The following FOXRED1 variants were observed in gnomAD, a reference collection of about 807,000 sequenced individuals.
FOXRED1 encodes FAD-dependent oxidoreductase domain-containing protein 1.
FOXRED1 carries 52 observed loss-of-function variants against 57.8 expected under a neutral mutation model. The observed-to-expected ratio is 0.90, with a 90% CI of 0.72 to 1.13. FOXRED1 has a LOEUF of 1.13. Ranked by LOEUF, FOXRED1 falls within the 50% of genes most tolerant of loss-of-function variation. FOXRED1 has a pLI of 0.00. For missense variants in FOXRED1, 589 were observed against 625.2 expected, an observed-to-expected ratio of 0.94 and a Z score of 0.62; for synonymous variants, 271 against 248.3, an observed-to-expected ratio of 1.09 and a Z score of -0.86.
In FOXRED1 at chr11:126,277,266, C is replaced by T; in HGVS notation, c.1206+91C>T. The stretch of plus-strand genomic sequence containing the variant: ...CACATTGGTCCCCTCGGACCCGTGA[C>T]TGCCGTAGTCCCTCCATGTCACAAC... On this transcript the variant is annotated intron_variant, in intron 10 of 10. Coordinates refer to ENST00000263578, the MANE Select transcript of FOXRED1 (RefSeq NM_017547.4). This position sits in a 1 kb window ranked among gnomAD's most constrained non-coding sequence, Gnocchi z 6.8. 8.5e-7 allele frequency: 1 copy of T among 1,171,224 alleles called. No homozygotes were observed. The highest frequency in any genetic ancestry group is 1.3e-6 in the Non-Finnish European group (1 of 779,220). The allele number at this position is 1,171,224 out of a possible 1,614,324, so 72.6% of individuals were successfully genotyped here.
chr11:126,269,559 A>G, intron 1 of FOXRED1: 3 of 659,170 alleles, frequency 4.6e-6, no homozygotes, highest in Middle Eastern at 3.6e-4. Flanking sequence ...ATGTGCATTA[A>G]GTCCTGCCCG....
In FOXRED1 at chr11:126,277,782, G is replaced by A. The variant is rs114082966; in HGVS notation, c.*93G>A. The A allele has an allele frequency of 1.6e-3, 2,250 of 1,384,442 alleles. 26 individuals are homozygous for A. In the African/African-American group the frequency reaches 0.027, roughly 17 times the overall value. 85.8% of individuals were successfully genotyped at this position (1,384,442 alleles called of 1,614,324 possible). A position where few individuals can be genotyped will look rare whatever the true frequency, so the allele number is the denominator to read the frequency against. On this transcript the variant is annotated 3_prime_UTR_variant, in exon 11 of 11. Coordinates refer to ENST00000263578, the MANE Select transcript of FOXRED1 (RefSeq NM_017547.4). The surrounding 1 kb of genome is among the most constrained non-coding windows in gnomAD (Gnocchi z 6.8). ...TCCATCTTCCCCAGTACTGTGCCAG[G>A]CCTTCTCCCCCTCCCCAGTGTCCTC...
chr11:126,271,336 C>T lies in FOXRED1; in HGVS notation c.86-101C>T, dbSNP rs1950979363. 1.2e-6 allele frequency: 1 copy of T among 854,486 alleles called. No homozygotes were observed. Among genetic ancestry groups the T allele is most frequent in the Admixed American group, 1.8e-5 (1 of 56,570 alleles). The allele number at this position is 854,486 out of a possible 1,614,324, so 52.9% of individuals were successfully genotyped here. ...GGGCTGACAGTGGGGACTGCCAACT[C>T]ATGTGTCTGTTTAGCTCACCTTTTC... On this transcript the variant is annotated intron_variant, in intron 1 of 10. Transcript: ENST00000263578. The surrounding 1 kb of genome is among the most constrained non-coding windows in gnomAD (Gnocchi z 5.3).
rs746289543 is a variant in FOXRED1, at chr11:126,277,904, C to T, written c.*215C>T. The T allele has an allele frequency of 2.2e-5, 15 of 686,322 alleles. No homozygotes were observed. The South Asian group carries it at 2.3e-4, about 10-fold the overall frequency. The allele number at this position is 686,322 out of a possible 1,614,324, so 42.5% of individuals were successfully genotyped here. On this transcript the variant is annotated 3_prime_UTR_variant, in exon 11 of 11. Transcript: ENST00000263578. This position sits in a 1 kb window ranked among gnomAD's most constrained non-coding sequence, Gnocchi z 6.8. ...TGATGAGCGGGATCCTAGGACTGAT[C>T]TGTAGCCCATGCTGATGTCACCCAC...
rs1343413249 is a variant in FOXRED1 at position 126,274,603 on chromosome 11, G to A, written c.537-324G>A. The A allele has an allele frequency of 8.7e-6, 3 of 344,648 alleles. No individual in the cohort carries two copies. The highest frequency in any genetic ancestry group is 1.7e-5 in the Non-Finnish European group (3 of 176,282). The allele number at this position is 344,648 out of a possible 1,614,324, so 21.3% of individuals were successfully genotyped here. A position where few individuals can be genotyped will look rare whatever the true frequency, so the allele number is the denominator to read the frequency against. On this transcript the variant is annotated intron_variant, in intron 4 of 10. Transcript: ENST00000263578. This position sits in a 1 kb window ranked among gnomAD's most constrained non-coding sequence, Gnocchi z 4.8. Reference sequence around the variant, plus strand: ...GAGGAGGTTGCAGTGAGCCAAGATCGCGCCACTGCACTCCAGCCTGGGTGA... The same window carrying A: ...GAGGAGGTTGCAGTGAGCCAAGATCACGCCACTGCACTCCAGCCTGGGTGA...
At chr11:126,276,581 C>A in intron 9 of FOXRED1, 58 bp downstream of exon 9, 1 of 1,577,584 alleles carries the variant, frequency 6.3e-7, no homozygotes, top group Non-Finnish European at 8.7e-7. Context: ...TGTCACGAAA[C>A]AATCAGGCTT....
chr11:126,272,536 C>G lies in FOXRED1; in HGVS notation c.307-433C>G. On this transcript the variant is annotated intron_variant, in intron 2 of 10. Coordinates refer to ENST00000263578, the MANE Select transcript of FOXRED1 (RefSeq NM_017547.4). The surrounding 1 kb of genome is among the most constrained non-coding windows in gnomAD (Gnocchi z 4.6). ...CAGATTCCTGAACTCAAGCAATCAG[C>G]CCGCCTCGGCCTCCCAAAGTGCTGG... The G allele has an allele frequency of 4.0e-6, 1 of 250,362 alleles. No individual in the cohort carries two copies. Among genetic ancestry groups the G allele is most frequent in the Non-Finnish European group, 7.9e-6 (1 of 126,472 alleles). The allele number at this position is 250,362 out of a possible 1,614,324, so 15.5% of individuals were successfully genotyped here.
In FOXRED1 at chr11:126,274,874, C is replaced by T; in HGVS notation, c.537-53C>T. The T allele has an allele frequency of 9.6e-7, 1 of 1,044,740 alleles. No homozygotes were observed. Among genetic ancestry groups the T allele is most frequent in the Non-Finnish European group, 1.5e-6 (1 of 659,630 alleles). The allele number at this position is 1,044,740 out of a possible 1,614,324, so 64.7% of individuals were successfully genotyped here. A position where few individuals can be genotyped will look rare whatever the true frequency, so the allele number is the denominator to read the frequency against. ...GGAGTTGGGGTCCATACATCATCCC[C>T]CTGCACACTCCCCTCTCTGACACAC... On this transcript the variant is annotated intron_variant, in intron 4 of 10. Transcript: ENST00000263578. The surrounding 1 kb of genome is among the most constrained non-coding windows in gnomAD (Gnocchi z 4.8).
At position 126,276,181 on chromosome 11, in the gene FOXRED1, C is replaced by T. The variant is rs756941477; in HGVS notation, c.933C>T (p.Thr311=). ...LAGVGEGPPG[T]LQGTKLPVEP... ...GTGTTGGAGAGGGGCCGCCTGGCAC[C>T]CTGCAGGGCACCAAGCTACCTGTGG... Residue 311 remains threonine (T), a synonymous_variant, in exon 8 of 11, where the codon ACC becomes ACT. Transcript: ENST00000263578. 1.5e-5 allele frequency: 24 copies of T among 1,607,630 alleles called. No homozygotes were observed. Among genetic ancestry groups the T allele is most frequent in the Non-Finnish European group, 2.0e-5 (23 of 1,178,300 alleles).
rs1000764001 is a variant in FOXRED1, at chr11:126,271,718, G to A, written c.306+61G>A. ...CAAGAAAGATGACTCATTTTATTAA[G>A]GACTCTAGCGACAAGGGAAGGAGAG... is the stretch of plus-strand genomic sequence containing the variant. On this transcript the variant is annotated intron_variant, in intron 2 of 10. Coordinates refer to ENST00000263578, the MANE Select transcript of FOXRED1 (RefSeq NM_017547.4). This position sits in a 1 kb window ranked among gnomAD's most constrained non-coding sequence, Gnocchi z 5.3. 5.3e-6 allele frequency: 7 copies of A among 1,324,960 alleles called. No homozygotes were observed. In the Admixed American group the frequency reaches 1.0e-4, roughly 19 times the overall value. The allele number at this position is 1,324,960 out of a possible 1,614,324, so 82.1% of individuals were successfully genotyped here. A position where few individuals can be genotyped will look rare whatever the true frequency, so the allele number is the denominator to read the frequency against.
In FOXRED1 at chr11:126,275,651, C is replaced by G. The variant is rs901615691; in HGVS notation, c.734-143C>G. ...CTGTCAGAGTGTGGCCAAGCTCATGCCAGCTCCCTCATCTCTGTTTGCTTC... is the reference window on the plus strand; with the variant it reads ...CTGTCAGAGTGTGGCCAAGCTCATGGCAGCTCCCTCATCTCTGTTTGCTTC... On this transcript the variant is annotated intron_variant, in intron 6 of 10. Transcript: ENST00000263578. This position sits in a 1 kb window ranked among gnomAD's most constrained non-coding sequence, Gnocchi z 5.9. 2.2e-5 allele frequency: 16 copies of G among 735,418 alleles called. No individual in the cohort carries two copies. Among genetic ancestry groups the G allele is most frequent in the Non-Finnish European group, 3.9e-5 (16 of 413,338 alleles). 45.6% of individuals were successfully genotyped at this position (735,418 alleles called of 1,614,324 possible).
chr11:126,276,628 C>T (rs948299837), intron 9 of FOXRED1, 105 bp downstream of exon 9: 2 of 1,351,070 alleles, frequency 1.5e-6, no homozygotes, highest in African/African-American at 2.9e-5. Flanking sequence ...GTAATCTTGG[C>T]ATTTTGGGAG....
rs899560769 is a variant in FOXRED1, at chr11:126,273,229, C to T, written c.418-107C>T. ...CTGGCCTTCTTCCTAGTGGTGGTGC[C>T]GCAGGTCTGGGGCACTGAGCCTGGG... On this transcript the variant is annotated intron_variant, in intron 3 of 10. Coordinates refer to ENST00000263578, the MANE Select transcript of FOXRED1 (RefSeq NM_017547.4). The surrounding 1 kb of genome is among the most constrained non-coding windows in gnomAD (Gnocchi z 5.9). 1.2e-4 allele frequency: 118 copies of T among 1,002,764 alleles called. 1 individual carries two copies. The South Asian group carries it at 1.3e-3, about 11-fold the overall frequency. 62.1% of individuals were successfully genotyped at this position (1,002,764 alleles called of 1,614,324 possible).
chr11:126,272,728 C>A lies in FOXRED1; in HGVS notation c.307-241C>A, dbSNP rs1951023355. 5.1e-6 allele frequency: 3 copies of A among 590,174 alleles called. No individual in the cohort carries two copies. Among genetic ancestry groups the A allele is most frequent in the African/African-American group, 3.7e-5 (2 of 53,848 alleles). The allele number at this position is 590,174 out of a possible 1,614,324, so 36.6% of individuals were successfully genotyped here. A position where few individuals can be genotyped will look rare whatever the true frequency, so the allele number is the denominator to read the frequency against. ...CTGCCCTTGGACTTCCAGGCCATTA[C>A]CATTTTGTACCACTGTGTCAGCTCT... On this transcript the variant is annotated intron_variant, in intron 2 of 10. Transcript: ENST00000263578. The surrounding 1 kb of genome is among the most constrained non-coding windows in gnomAD (Gnocchi z 4.6).
In FOXRED1 at chr11:126,271,336, C is replaced by CA. The variant is rs1950979601; in HGVS notation, c.86-100dup. 3.5e-6 allele frequency: 3 copies of CA among 854,486 alleles called. No individual in the cohort carries two copies. The Admixed American group carries it at 5.3e-5, about 15-fold the overall frequency. The allele number at this position is 854,486 out of a possible 1,614,324, so 52.9% of individuals were successfully genotyped here. ...GGGCTGACAGTGGGGACTGCCAACT[C>CA]ATGTGTCTGTTTAGCTCACCTTTTC... On this transcript the variant is annotated intron_variant, in intron 1 of 10. Transcript: ENST00000263578. This position sits in a 1 kb window ranked among gnomAD's most constrained non-coding sequence, Gnocchi z 5.3.
At chr11:126,276,313 G>GTGTGTGTGGTGTGTGTGTGTA in intron 8 of FOXRED1, 81 bp from the exon 9 acceptor site, 1 of 1,311,642 alleles carries the variant, frequency 7.6e-7, no homozygotes, top group South Asian at 1.2e-5. Flanking sequence ...GTGTGTGTGT[G>GTGTGTGTGGTGTGTGTGTGTA]TGGGGTGTGG....
chr11:126,272,637 G>A lies in FOXRED1; in HGVS notation c.307-332G>A, dbSNP rs963875551. On this transcript the variant is annotated intron_variant, in intron 2 of 10. Transcript: ENST00000263578. This position sits in a 1 kb window ranked among gnomAD's most constrained non-coding sequence, Gnocchi z 4.6. ...CCTGTTTGCATTGCCAGCTAGCCACGAGTCTTGCTACTTTACTTCAATCAT... is the reference window on the plus strand; with the variant it reads ...CCTGTTTGCATTGCCAGCTAGCCACAAGTCTTGCTACTTTACTTCAATCAT... 5.1e-5 allele frequency: 20 copies of A among 395,488 alleles called. 1 individual carries two copies. The highest frequency in any genetic ancestry group is 4.4e-4 in the South Asian group (19 of 43,422). The allele number at this position is 395,488 out of a possible 1,614,324, so 24.5% of individuals were successfully genotyped here.
Position 126,269,501 on chromosome 11 carries a change from T to G in FOXRED1, c.85+210T>G, listed in dbSNP as rs1591543425. On this transcript the variant is annotated intron_variant, in intron 1 of 10. Coordinates refer to ENST00000263578, the MANE Select transcript of FOXRED1 (RefSeq NM_017547.4). Reference sequence around the variant, plus strand: ...TTTTCAGGTGGCAGGTCTCACATCATTCTCCATTTAAGCTTACAGTCAGAC... The same window carrying G: ...TTTTCAGGTGGCAGGTCTCACATCAGTCTCCATTTAAGCTTACAGTCAGAC... The G allele has an allele frequency of 3.6e-6, 3 of 830,918 alleles. No individual in the cohort carries two copies. The East Asian group carries it at 8.0e-5, about 22-fold the overall frequency. The allele number at this position is 830,918 out of a possible 1,614,324, so 51.5% of individuals were successfully genotyped here.
rs1396599650 is a variant in FOXRED1, at chr11:126,274,375, G to A, written c.537-552G>A. Reference sequence around the variant, plus strand: ...TGAAAGTTCATGGAATAGGCTGGGTGCAGTGTCTCATGCCTGTAATCCCAG... The same window carrying A: ...TGAAAGTTCATGGAATAGGCTGGGTACAGTGTCTCATGCCTGTAATCCCAG... On this transcript the variant is annotated intron_variant, in intron 4 of 10. Coordinates refer to ENST00000263578, the MANE Select transcript of FOXRED1 (RefSeq NM_017547.4). This position sits in a 1 kb window ranked among gnomAD's most constrained non-coding sequence, Gnocchi z 4.8. 1.1e-5 allele frequency: 2 copies of A among 187,910 alleles called. No individual in the cohort carries two copies. The highest frequency in any genetic ancestry group is 2.3e-5 in the Non-Finnish European group (2 of 88,664). 11.6% of individuals were successfully genotyped at this position (187,910 alleles called of 1,614,324 possible).
Sources: allele counts gnomAD v4.1 joint callset, GRCh38; gene constraint gnomAD v4.1.1; non-coding constraint Gnocchi (gnomAD v3.1); transcripts MANE v1.5; gene names NCBI Gene and HGNC (gene_info 2026-07-23, HGNC 2026-07-21).